The following XKR6 variants were observed in gnomAD, a reference collection of about 807,000 sequenced individuals.
XKR6 encodes XK related 6, also known as XK-related protein 6.
In XKR6, 22 loss-of-function variants were observed where a neutral mutation model predicts 56.7. The ratio of observed to expected loss-of-function variants is 0.39; its 90% CI spans 0.28 to 0.55. XKR6 has a LOEUF of 0.55. Ranked by LOEUF, XKR6 falls within the 20% of genes least tolerant of loss-of-function variation. The pLI is 0.66. For missense variants in XKR6, 852 were observed against 889.0 expected (o/e 0.96, Z 0.53); for synonymous variants, 524 against 387.8 (o/e 1.35, Z -4.13).
intron 1 of XKR6, among the ~76,000 whole-genome samples, chr8:11,102,245 C>A (rs1047544785): frequency 6.6e-5 from 10 of 152,142 alleles, no homozygotes; most frequent in African/African-American, 2.2e-4. Flanking sequence ...CGAGGACTTG[C>A]CTGCTCTTTC....
In XKR6 at chr8:11,001,579, C is replaced by A. The variant is rs573481836; in HGVS notation, c.765-76749G>T. ...CCTTGGATCCCAATTCTGGGCCAGGCAGGCCTCTCCTTACCCTGCCTCTGG... is the reference window on the plus strand; with the variant it reads ...CCTTGGATCCCAATTCTGGGCCAGGAAGGCCTCTCCTTACCCTGCCTCTGG... On this transcript the variant is annotated intron_variant, in intron 1 of 2. Transcript: ENST00000416569. 2.0e-5 allele frequency among the ~76,000 whole-genome samples: 3 copies of A among 152,362 alleles called. No homozygotes were observed. In the East Asian group the frequency reaches 5.8e-4, roughly 29 times the overall value.
chr8:11,135,416 G>A lies in XKR6; in HGVS notation c.764+65160C>T, dbSNP rs191857982. Among the ~76,000 whole-genome samples, 802 of 152,240 alleles carry A rather than the reference G, an allele frequency of 5.3e-3. 7 individuals are homozygous for A. Among genetic ancestry groups the A allele is most frequent in the African/African-American group, 0.018 (742 of 41,548 alleles). ...TCTACCCCAGGATAGATAGAATAAA[G>A]TTACCAAAAGTTAATCATGATTTAC... On this transcript the variant is annotated intron_variant, in intron 1 of 2. Coordinates refer to ENST00000416569, the MANE Select transcript of XKR6 (RefSeq NM_173683.4).
intron 1 of XKR6, among the ~76,000 whole-genome samples, chr8:10,987,108 A>G (rs754031804): frequency 8.5e-5 from 13 of 152,212 alleles, no homozygotes; most frequent in Non-Finnish European, 1.9e-4. Context: ...AGTGCATGAT[A>G]TGTAGTAATC....
At chr8:11,044,597 A>T (rs1028019090) in intron 1 of XKR6, among the ~76,000 whole-genome samples, 2 of 151,734 alleles carry the variant, frequency 1.3e-5, no homozygotes, top group African/African-American at 2.4e-5. Context: ...TCCTCCCAAC[A>T]ACGCTGTCTT....
At chr8:11,097,053 G>T (rs1040038200) in intron 1 of XKR6, among the ~76,000 whole-genome samples, 1 of 152,154 alleles carries the variant, frequency 6.6e-6, no homozygotes, top group African/African-American at 2.4e-5. Flanking sequence ...GAAGATGGAA[G>T]GTTGCCTAGA....
intron 1 of XKR6, among the ~76,000 whole-genome samples, chr8:10,995,609 G>A (rs1586407485): frequency 6.6e-6 from 1 of 150,440 alleles, no homozygotes; most frequent in East Asian, 2.0e-4. Flanking sequence ...AATCACTTGA[G>A]CCTGGGAGGT....
At chr8:11,102,324 G>C (rs1280046821) in intron 1 of XKR6, among the ~76,000 whole-genome samples, 1 of 152,118 alleles carries the variant, frequency 6.6e-6, no homozygotes, top group Admixed American at 6.6e-5. Flanking sequence ...GCAACTCCAT[G>C]CTTTGTGTCT....
At chr8:11,167,668 T>C (rs555636203) in intron 1 of XKR6, among the ~76,000 whole-genome samples, 3 of 152,244 alleles carry the variant, frequency 2.0e-5, no homozygotes, top group African/African-American at 7.2e-5. Context: ...AGGAAGACCT[T>C]AAGCTTTTTC....
chr8:11,159,392 C>G (rs149791117), intron 1 of XKR6, among the ~76,000 whole-genome samples: 6 of 152,202 alleles, frequency 3.9e-5, no homozygotes, highest in Admixed American at 3.3e-4. Context: ...CAGTCTGTTA[C>G]GACAGCTATG....
At chr8:10,925,839 T>A (rs545526680) in intron 1 of XKR6, among the ~76,000 whole-genome samples, 1 of 152,126 alleles carries the variant, frequency 6.6e-6, no homozygotes, top group East Asian at 1.9e-4. Context: ...TGGAACTGTG[T>A]CTCCAAGGCA....
rs1554459705 is a variant in XKR6 at position 11,106,863 on chromosome 8, A to AAG, written c.764+93712_764+93713insCT. On this transcript the variant is annotated intron_variant, in intron 1 of 2. Coordinates refer to ENST00000416569, the MANE Select transcript of XKR6 (RefSeq NM_173683.4). ...GAGACTTCATCTCAAAAAAAAAAAA[A>AAG]AATAAAAAAGATACAACGTTACAAA... Among the ~76,000 whole-genome samples the AAG allele has an allele frequency of 3.5e-4, 39 of 109,922 alleles. 5 individuals carry two copies. The highest frequency in any genetic ancestry group is 1.5e-3 in the Admixed American group (17 of 11,698). The allele number at this position is 109,922 out of a possible 152,430, so 72.1% of individuals were successfully genotyped here.
rs535539121 is a variant in XKR6, at chr8:10,978,383, T to G, written c.765-53553A>C. Among the ~76,000 whole-genome samples, 179 of 152,364 alleles carry G rather than the reference T, an allele frequency of 1.2e-3. 1 individual carries two copies. The highest frequency in any genetic ancestry group is 4.0e-3 in the African/African-American group (167 of 41,582). On this transcript the variant is annotated intron_variant, in intron 1 of 2. Coordinates refer to ENST00000416569, the MANE Select transcript of XKR6 (RefSeq NM_173683.4). ...AACATTCAATAACTCTTGTCAAGACTTAATAAATTTCCATGGATTTATACA... is the reference window on the plus strand; with the variant it reads ...AACATTCAATAACTCTTGTCAAGACGTAATAAATTTCCATGGATTTATACA...
At chr8:11,064,384 C>A (rs771349727) in intron 1 of XKR6, among the ~76,000 whole-genome samples, 13 of 152,192 alleles carry the variant, frequency 8.5e-5, no homozygotes, top group Non-Finnish European at 1.0e-4. Flanking sequence ...TCTTCTACCC[C>A]TCGTGGTCAT....
chr8:11,126,699 G>A (rs2116877934), intron 1 of XKR6, among the ~76,000 whole-genome samples: 1 of 152,264 alleles, frequency 6.6e-6, no homozygotes, highest in Middle Eastern at 3.4e-3. Flanking sequence ...AATGAACAGA[G>A]CCATCTCTGG....
intron 1 of XKR6, among the ~76,000 whole-genome samples, chr8:11,117,230 T>C (rs931258197): frequency 6.6e-6 from 1 of 152,236 alleles, no homozygotes; most frequent in Non-Finnish European, 1.5e-5. Context: ...AACTGCAACC[T>C]GAACACTGCA....
intron 1 of XKR6, among the ~76,000 whole-genome samples, chr8:11,034,991 G>C (rs1269745352): frequency 6.6e-6 from 1 of 152,228 alleles, no homozygotes; most frequent in African/African-American, 2.4e-5. Flanking sequence ...CTGCCAGCCA[G>C]TGCCCTGAAG....
At chr8:10,957,521 T>C (rs1315185795) in intron 1 of XKR6, among the ~76,000 whole-genome samples, 5 of 152,162 alleles carry the variant, frequency 3.3e-5, no homozygotes, top group Non-Finnish European at 4.4e-5. Flanking sequence ...CTGGGGATGA[T>C]ACATCAATGT....
chr8:10,964,447 G>C (rs1802157266), intron 1 of XKR6, among the ~76,000 whole-genome samples: 1 of 152,162 alleles, frequency 6.6e-6, no homozygotes, highest in Non-Finnish European at 1.5e-5. Flanking sequence ...CAGGAACCCA[G>C]ATTTCCCACA....
At position 11,179,503 on chromosome 8, in the gene XKR6, A is replaced by G. The variant is rs558337659; in HGVS notation, c.764+21073T>C. ...AATTAAATACTTCCCTGATATGCAC[A>G]TGTGTGTGTGTCCACAAGTACGTTT... On this transcript the variant is annotated intron_variant, in intron 1 of 2. Coordinates refer to ENST00000416569, the MANE Select transcript of XKR6 (RefSeq NM_173683.4). Among the ~76,000 whole-genome samples the G allele has an allele frequency of 9.2e-5, 14 of 152,192 alleles. 1 individual carries two copies. The South Asian group carries it at 2.9e-3, about 32-fold the overall frequency.
Sources: allele counts gnomAD v4.1 joint callset (sites outside exome capture counted in the v4.1 genomes callset), GRCh38; gene constraint gnomAD v4.1.1; transcripts MANE v1.5; gene names NCBI Gene and HGNC (gene_info 2026-07-23, HGNC 2026-07-21).